The following ANKRD44 variants were observed in gnomAD, a reference collection of about 807,000 sequenced individuals.
ANKRD44 encodes the protein ankyrin repeat domain 44, also known as serine/threonine-protein phosphatase 6 regulatory ankyrin repeat subunit B.
Under a neutral mutation model 116.0 loss-of-function variants are expected in ANKRD44, and 35 were observed. The observed-to-expected ratio is 0.30, with a 90% CI of 0.23 to 0.40. The LOEUF (loss-of-function observed/expected upper bound fraction) is 0.40, where lower values mean the gene tolerates loss of function less well. ANKRD44 is among the 10% of genes least tolerant of loss of function. The probability of loss-of-function intolerance (pLI) is 1.00; values close to 1 mark genes in which losing one functional copy is unlikely to be tolerated. For synonymous variants in ANKRD44, 435 were observed against 461.8 expected (o/e 0.94, Z 0.74); for missense variants, 1,014 against 1,242.6 (o/e 0.82, Z 2.77).
At chr2:197,040,447 G>A (rs2076890422) in intron 16 of ANKRD44, among the ~76,000 whole-genome samples, 2 of 134,804 alleles carry the variant, frequency 1.5e-5, no homozygotes, top group Non-Finnish European at 3.1e-5. Context: ...CGCCATCTCA[G>A]CTCACTGCAA....
chr2:197,027,358 T>C (rs1026020020), intron 16 of ANKRD44, among the ~76,000 whole-genome samples: 3 of 151,984 alleles, frequency 2.0e-5, no homozygotes, highest in Non-Finnish European at 4.4e-5. Context: ...CCAGACTCTG[T>C]CTCAAGAAAA....
intron 2 of ANKRD44, among the ~76,000 whole-genome samples, chr2:197,154,600 C>A (rs2125464805): frequency 6.6e-6 from 1 of 152,228 alleles, no homozygotes; most frequent in South Asian, 2.1e-4. Flanking sequence ...TTAGTCTTTT[C>A]CTTGTGTGTG....
At chr2:197,257,866 C>G (rs1031784296) in intron 1 of ANKRD44, among the ~76,000 whole-genome samples, 2 of 152,120 alleles carry the variant, frequency 1.3e-5, no homozygotes, top group Admixed American at 1.3e-4. Context: ...ACTGAAACTC[C>G]GTGCCAATTA....
intron 1 of ANKRD44, among the ~76,000 whole-genome samples, chr2:197,303,217 T>C (rs1384916016): frequency 6.6e-6 from 1 of 152,252 alleles, no homozygotes; most frequent in Non-Finnish European, 1.5e-5. Flanking sequence ...AAAAGGCAGA[T>C]ACTTTTTGAA....
At chr2:197,084,397 C>T (rs748885696) in intron 13 of ANKRD44, among the ~76,000 whole-genome samples, 2 of 152,212 alleles carry the variant, frequency 1.3e-5, no homozygotes, top group African/African-American at 2.4e-5. Flanking sequence ...GGCTTATCTA[C>T]TCTCTGGGTC....
intron 1 of ANKRD44, among the ~76,000 whole-genome samples, chr2:197,292,174 C>A (rs554447286): frequency 2.3e-4 from 35 of 152,244 alleles, no homozygotes; most frequent in Middle Eastern, 3.4e-3. Context: ...ATTCATAATC[C>A]TTTGGATATA....
At chr2:197,186,363 A>G (rs2080659091) in intron 2 of ANKRD44, among the ~76,000 whole-genome samples, 1 of 152,234 alleles carries the variant, frequency 6.6e-6, no homozygotes, top group Admixed American at 6.5e-5. Flanking sequence ...AGGTATGTTC[A>G]TATAACATTA....
intron 1 of ANKRD44, among the ~76,000 whole-genome samples, chr2:197,257,867 G>A (rs990891546): frequency 4.6e-5 from 7 of 151,910 alleles, no homozygotes; most frequent in Non-Finnish European, 7.4e-5. Context: ...CTGAAACTCC[G>A]TGCCAATTAA....
chr2:197,139,949 G>A (rs1422607207), intron 3 of ANKRD44, among the ~76,000 whole-genome samples: 5 of 149,366 alleles, frequency 3.3e-5, no homozygotes, highest in African/African-American at 9.9e-5. Flanking sequence ...GTGCGATCTC[G>A]GCTCACTGCA....
chr2:197,127,406 C>T (rs1043306258), intron 4 of ANKRD44, among the ~76,000 whole-genome samples: 1 of 152,094 alleles, frequency 6.6e-6, no homozygotes, highest in East Asian at 1.9e-4. Flanking sequence ...TTAAAAACTG[C>T]ATTTCTCTTT....
rs192741547 is a variant in ANKRD44 at position 197,213,757 on chromosome 2, G to A, written c.28-26651C>T. On this transcript the variant is annotated intron_variant, in intron 1 of 27. Coordinates refer to ENST00000282272, the MANE Select transcript of ANKRD44 (RefSeq NM_001195144.2). Reference sequence around the variant, plus strand: ...TATAGCCAGTTTGAACCAACTGCACGTTTTCATAAACAGGCAATTCTCACA... The same window carrying A: ...TATAGCCAGTTTGAACCAACTGCACATTTTCATAAACAGGCAATTCTCACA... Among the ~76,000 whole-genome samples, 87 of 152,252 alleles carry A rather than the reference G, an allele frequency of 5.7e-4. 2 individuals carry two copies. The highest frequency in any genetic ancestry group is 5.3e-3 in the Admixed American group (81 of 15,286).
intron 12 of ANKRD44, among the ~76,000 whole-genome samples, chr2:197,088,193 T>TA (rs2077968464): frequency 1.3e-5 from 2 of 152,114 alleles, no homozygotes; most frequent in African/African-American, 4.8e-5. Flanking sequence ...TTTACAACTT[T>TA]AAAAAAAGGT....
chr2:197,011,104 T>C (rs1235962891), intron 18 of ANKRD44, among the ~76,000 whole-genome samples: 1 of 152,238 alleles, frequency 6.6e-6, no homozygotes, highest in Non-Finnish European at 1.5e-5. Context: ...ATGTTTTTTG[T>C]TCTTACAATT....
intron 12 of ANKRD44, among the ~76,000 whole-genome samples, chr2:197,087,720 G>C (rs770218261): frequency 6.6e-6 from 1 of 152,032 alleles, no homozygotes; most frequent in Non-Finnish European, 1.5e-5. Flanking sequence ...AGTATGTGTT[G>C]GTGTAGCATG....
chr2:196,990,693 G>A, intron 27 of ANKRD44: 3 of 1,232,166 alleles, frequency 2.4e-6, no homozygotes, highest in Non-Finnish European at 3.0e-6. Flanking sequence ...AAACGTTTCC[G>A]AATCAGAATC....
intron 3 of ANKRD44, among the ~76,000 whole-genome samples, chr2:197,140,728 C>CA (rs1183517464): frequency 6.6e-6 from 1 of 151,952 alleles, no homozygotes; most frequent in Non-Finnish European, 1.5e-5. Flanking sequence ...ACACACATCC[C>CA]AAAAAACCCC....
At chr2:197,276,852 G>T (rs765722503) in intron 1 of ANKRD44, among the ~76,000 whole-genome samples, 24 of 151,978 alleles carry the variant, frequency 1.6e-4, no homozygotes, top group Non-Finnish European at 2.9e-4. Context: ...AATACCTGTG[G>T]CATTCATAAA....
intron 1 of ANKRD44, among the ~76,000 whole-genome samples, chr2:197,229,454 T>C (rs2081803129): frequency 1.3e-5 from 2 of 152,220 alleles, no homozygotes; most frequent in African/African-American, 4.8e-5. Flanking sequence ...AAAGGAGTTA[T>C]AATAACTCTA....
exon 22 of ANKRD44, chr2:196,967,402 GT>G: frequency 2.1e-6 from 1 of 470,022 alleles, no homozygotes; most frequent in Non-Finnish European, 4.4e-6. Flanking sequence ...CAGGGTGCCT[GT>G]TTTGCAGCCA....
Sources: allele counts gnomAD v4.1 joint callset (sites outside exome capture counted in the v4.1 genomes callset), GRCh38; gene constraint gnomAD v4.1.1; transcripts MANE v1.5; gene names NCBI Gene and HGNC (gene_info 2026-07-23, HGNC 2026-07-21).